The following SPATA3 variants were observed in gnomAD, a reference collection of about 807,000 sequenced individuals.
SPATA3 encodes spermatogenesis associated 3.
In SPATA3, 6 loss-of-function variants were observed where a neutral mutation model predicts 5.7. That is an observed-to-expected ratio of 1.06 (90% CI 0.58 to 2.09). SPATA3 has a LOEUF of 2.09. Ranked by LOEUF, SPATA3 falls within the 30% of genes most tolerant of loss-of-function variation. SPATA3 has a pLI of 0.00. For missense variants in SPATA3, 155 were observed against 130.4 expected (o/e 1.19, Z -0.92); for synonymous variants, 44 against 48.4 (o/e 0.91, Z 0.37).
intron 6 of SPATA3, among the ~76,000 whole-genome samples, chr2:231,017,113 G>T (rs181983609): frequency 2.0e-5 from 3 of 152,270 alleles, no homozygotes; most frequent in African/African-American, 7.2e-5. Flanking sequence ...TAGTGCCCAT[G>T]GTACTGCTCA....
downstream of SPATA3, among the ~76,000 whole-genome samples, chr2:231,009,878 G>A (rs1036120438): frequency 3.9e-5 from 6 of 152,286 alleles, no homozygotes; most frequent in Non-Finnish European, 8.8e-5. Context: ...ATTGTATTCA[G>A]AGTGTGGTAT....
chr2:230,996,586 T>C, intron 1 of SPATA3, 52 bp downstream of exon 1: 5 of 1,532,512 alleles, frequency 3.3e-6, no homozygotes, highest in Non-Finnish European at 4.4e-6. Context: ...GATGGAGTTC[T>C]GGGTCATCCC....
chr2:231,019,510 G>C (rs532130506), intron 6 of SPATA3, among the ~76,000 whole-genome samples: 4 of 149,658 alleles, frequency 2.7e-5, no homozygotes, highest in African/African-American at 9.8e-5. Context: ...ATTTTTAGTA[G>C]AGATGGGGTT....
intron 2 of SPATA3, among the ~76,000 whole-genome samples, chr2:231,000,930 C>T (rs1357712320): frequency 6.6e-6 from 1 of 152,242 alleles, no homozygotes; most frequent in Non-Finnish European, 1.5e-5. Context: ...CCCTCAGTGG[C>T]CTGTGTCATA....
chr2:231,011,475 C>G (rs1383263196), downstream of SPATA3, among the ~76,000 whole-genome samples: 1 of 152,124 alleles, frequency 6.6e-6, no homozygotes, highest in Non-Finnish European at 1.5e-5. Flanking sequence ...GTCCAGGAAG[C>G]CCCATCCTCC....
At chr2:231,001,958 T>A (rs919143070) in intron 2 of SPATA3, among the ~76,000 whole-genome samples, 2 of 152,134 alleles carry the variant, frequency 1.3e-5, no homozygotes, top group Non-Finnish European at 2.9e-5. Flanking sequence ...GATCTTGAAG[T>A]CCTCTCTGGC....
chr2:231,013,960 G>T (rs989418216), exon 6 of SPATA3: 1 of 151,754 alleles, frequency 6.6e-6, no homozygotes, highest in Non-Finnish European at 1.5e-5. Flanking sequence ...CTATAGGCTG[G>T]CCTTAGAATC....
chr2:231,016,426 A>G (rs527382665), intron 6 of SPATA3, among the ~76,000 whole-genome samples: 1 of 148,848 alleles, frequency 6.7e-6, no homozygotes, highest in Admixed American at 6.8e-5. Flanking sequence ...GGTGGCTTAC[A>G]CCCAAAATCC....
chr2:231,000,622 T>C (rs943755912), intron 2 of SPATA3, 85 bp downstream of exon 2: 1 of 1,258,252 alleles, frequency 7.9e-7, no homozygotes, highest in African/African-American at 1.5e-5. Flanking sequence ...CAATCATGTA[T>C]CACTTCCTCT....
intron 1 of SPATA3, chr2:230,996,457 C>G: frequency 6.4e-7 from 1 of 1,552,318 alleles, no homozygotes; most frequent in Non-Finnish European, 8.7e-7. Flanking sequence ...CTTCCAGCAC[C>G]CGAAATCCGC....
intron 6 of SPATA3, among the ~76,000 whole-genome samples, chr2:231,018,028 C>T (rs1482555245): frequency 1.3e-5 from 2 of 152,048 alleles, no homozygotes; most frequent in African/African-American, 2.4e-5. Context: ...AGGTTTAAGC[C>T]GTTCTCCTAC....
intron 6 of SPATA3, among the ~76,000 whole-genome samples, chr2:231,017,403 G>A (rs4973370): frequency 0.29 from 43,936 of 152,042 alleles, 6,571 homozygotes; most frequent in Admixed American, 0.36. Flanking sequence ...GTCTACATCC[G>A]GAGAGAGTGC....
At chr2:231,007,437 G>A (rs1205672715), downstream of SPATA3, among the ~76,000 whole-genome samples, 1 of 152,198 alleles carries the variant, frequency 6.6e-6, no homozygotes, top group Non-Finnish European at 1.5e-5. Context: ...CAGACCCCCG[G>A]TGGAGCAGCT....
chr2:231,015,954 A>G (rs1692923878), intron 6 of SPATA3, among the ~76,000 whole-genome samples: 1 of 152,254 alleles, frequency 6.6e-6, no homozygotes, highest in African/African-American at 2.4e-5. Flanking sequence ...TTGCATTTCA[A>G]GGAAGCAGAA....
chr2:231,017,294 C>T (rs972927738), intron 6 of SPATA3, among the ~76,000 whole-genome samples: 2 of 152,204 alleles, frequency 1.3e-5, no homozygotes, highest in Non-Finnish European at 2.9e-5. Flanking sequence ...TCCCACTGCC[C>T]CCCTTTGCCT....
chr2:230,999,282 G>C (rs566427066), intron 1 of SPATA3, among the ~76,000 whole-genome samples: 1 of 152,176 alleles, frequency 6.6e-6, no homozygotes, highest in South Asian at 2.1e-4. Flanking sequence ...TCTTTTTGGG[G>C]AAATGAAGAC....
intron 6 of SPATA3, among the ~76,000 whole-genome samples, chr2:231,015,784 T>C (rs1013179469): frequency 2.6e-5 from 4 of 152,142 alleles, no homozygotes; most frequent in African/African-American, 9.7e-5. Flanking sequence ...AAGGCCTCAT[T>C]CACAAGCTCC....
chr2:231,005,448 TCACCACCACCACCAC>T (rs1363254856), downstream of SPATA3, among the ~76,000 whole-genome samples: 2 of 26,056 alleles, frequency 7.7e-5, no homozygotes, highest in Admixed American at 4.0e-4. Flanking sequence ...ATCACCACCA[TCACCACCACCACCAC>T]CACCACCATC....
downstream of SPATA3, among the ~76,000 whole-genome samples, chr2:231,004,809 CA>C (rs1285380935): frequency 6.6e-6 from 1 of 152,032 alleles, no homozygotes; most frequent in Non-Finnish European, 1.5e-5. Flanking sequence ...TGGAGATAAT[CA>C]TAGCACAGAT....
Sources: gnomAD v4.1 joint callset for allele counts (sites outside exome capture counted in the v4.1 genomes callset) on GRCh38, gnomAD v4.1.1 for gene constraint, MANE v1.5 for transcripts, NCBI Gene and HGNC (gene_info 2026-07-23, HGNC 2026-07-21) for gene names.